Variants in LRIG1 observed in about 807,000 individuals in gnomAD.
The protein encoded by LRIG1 is leucine rich repeats and immunoglobulin like domains 1.
Under a neutral mutation model 99.2 loss-of-function variants are expected in LRIG1, and 48 were observed. That is an observed-to-expected ratio of 0.48 (90% confidence interval 0.38 to 0.62). LRIG1 has a LOEUF of 0.62. Among genes scored for constraint, LRIG1 ranks in the 20% least tolerant of loss-of-function variants. The pLI, the probability that LRIG1 is intolerant of heterozygous loss-of-function variation, is 0.00. For synonymous variants in LRIG1, 772 were observed against 596.1 expected (o/e 1.29, Z -4.30); for missense variants, 1,646 against 1,434.4 (o/e 1.15, Z -2.38).
At chr3:66,405,398 G>A (rs1321181123) in intron 8 of LRIG1, 120 bp from the exon 9 acceptor site, 5 of 775,884 alleles carry the variant, frequency 6.4e-6, no homozygotes, top group Non-Finnish European at 1.1e-5. Context: ...TGGAGGCACA[G>A]CCGGGACGTA....
chr3:66,499,532 T>A (rs1701305304), intron 1 of LRIG1, among the ~76,000 whole-genome samples: 1 of 152,060 alleles, frequency 6.6e-6, no homozygotes, highest in Non-Finnish European at 1.5e-5. Context: ...CTCCCAGCAC[T>A]CACAGGTCGC....
intron 1 of LRIG1, among the ~76,000 whole-genome samples, chr3:66,473,535 C>T (rs1700650157): frequency 1.3e-5 from 2 of 152,168 alleles, no homozygotes; most frequent in Non-Finnish European, 2.9e-5. Flanking sequence ...CCACAATGCT[C>T]GGCGTTACAA....
chr3:66,424,093 AG>A (rs1022821422), intron 3 of LRIG1, among the ~76,000 whole-genome samples: 1 of 152,214 alleles, frequency 6.6e-6, no homozygotes, highest in Non-Finnish European at 1.5e-5. Context: ...CAAGCATAAA[AG>A]AAGCCTGCTC....
chr3:66,499,893 C>A (rs9845060), intron 1 of LRIG1, among the ~76,000 whole-genome samples: 4,139 of 146,836 alleles, frequency 0.028, 196 homozygotes, highest in African/African-American at 0.098. Context: ...CCCCAGATGG[C>A]CCGCACGACG....
intron 6 of LRIG1, among the ~76,000 whole-genome samples, chr3:66,411,614 A>G (rs1006757345): frequency 2.0e-5 from 3 of 152,198 alleles, no homozygotes; most frequent in African/African-American, 4.8e-5. Context: ...AGGGCTGGTC[A>G]TGCAGAGACG....
chr3:66,491,716 CTTTGA>C (rs970182247), intron 1 of LRIG1, among the ~76,000 whole-genome samples: 11 of 151,930 alleles, frequency 7.2e-5, no homozygotes, highest in Non-Finnish European at 1.3e-4. Flanking sequence ...AATGATATGC[CTTTGA>C]TTTATTTCCA....
rs373126956 is a variant in LRIG1, at chr3:66,462,392, G to A, written c.290+46C>T. The A allele has an allele frequency of 2.5e-4, 352 of 1,429,356 alleles. 1 individual carries two copies. In the African/African-American group the frequency reaches 4.2e-3, roughly 17 times the overall value. 88.5% of individuals were successfully genotyped at this position (1,429,356 alleles called of 1,614,324 possible). ...TGCAATACAAGAGGATTTTCCCAAA[G>A]AGCTCTCCATCCTTCCATCCACCAG... On this transcript the variant is annotated intron_variant, in intron 2 of 18. Transcript: ENST00000273261.
intron 3 of LRIG1, among the ~76,000 whole-genome samples, chr3:66,429,015 TA>T (rs572373989): frequency 9.3e-4 from 141 of 152,280 alleles, no homozygotes; most frequent in African/African-American, 3.2e-3. Flanking sequence ...AGTGGCGGGA[TA>T]AACAGCCTCC....
intron 7 of LRIG1, 70 bp downstream of exon 7, chr3:66,410,059 C>A: frequency 6.7e-7 from 1 of 1,502,718 alleles, no homozygotes; most frequent in Non-Finnish European, 9.0e-7. Context: ...TGGAACGAAC[C>A]AGGCCTAGCA....
chr3:66,489,420 A>C (rs983389605), intron 1 of LRIG1, among the ~76,000 whole-genome samples: 1 of 152,014 alleles, frequency 6.6e-6, no homozygotes, highest in African/African-American at 2.4e-5. Flanking sequence ...TACTCAGTAG[A>C]CTGAGGTAGG....
At chr3:66,463,282 T>G (rs1166984581) in intron 1 of LRIG1, among the ~76,000 whole-genome samples, 2 of 152,212 alleles carry the variant, frequency 1.3e-5, no homozygotes, top group Admixed American at 6.5e-5. Context: ...AGGCTACTTA[T>G]GAACACAGTA....
intron 1 of LRIG1, among the ~76,000 whole-genome samples, chr3:66,496,509 A>G (rs915907511): frequency 2.0e-5 from 3 of 152,180 alleles, no homozygotes; most frequent in Non-Finnish European, 4.4e-5. Context: ...ACTTGTTGCA[A>G]AAGAAAAGGA....
At position 66,487,020 on chromosome 3, in the gene LRIG1, A is replaced by G. The variant is rs72906788; in HGVS notation, c.218+13170T>C. Among the ~76,000 whole-genome samples, 1,269 of 152,264 alleles carry G rather than the reference A, an allele frequency of 8.3e-3. 22 individuals are homozygous for G. Among genetic ancestry groups the G allele is most frequent in the African/African-American group, 0.028 (1,171 of 41,546 alleles). ...TGCTCAACAAAGTTTGCTTTCAATTATATTTCCAAATTCTTCTAACAATAA... is the reference window on the plus strand; with the variant it reads ...TGCTCAACAAAGTTTGCTTTCAATTGTATTTCCAAATTCTTCTAACAATAA... On this transcript the variant is annotated intron_variant, in intron 1 of 18. Coordinates refer to ENST00000273261, the MANE Select transcript of LRIG1 (RefSeq NM_015541.3).
intron 11 of LRIG1, among the ~76,000 whole-genome samples, chr3:66,396,288 G>A (rs1365784860): frequency 6.6e-6 from 1 of 152,226 alleles, no homozygotes; most frequent in African/African-American, 2.4e-5. Flanking sequence ...CCTAGGCTCT[G>A]CAGGCTCCTG....
At chr3:66,425,925 TAGAC>T (rs1486970569) in intron 3 of LRIG1, among the ~76,000 whole-genome samples, 2 of 152,228 alleles carry the variant, frequency 1.3e-5, no homozygotes, top group Non-Finnish European at 2.9e-5. Flanking sequence ...GATGTTAAAT[TAGAC>T]AGTGAAACAG....
At chr3:66,462,356 G>A in intron 2 of LRIG1, 82 bp downstream of exon 2, 1 of 964,618 alleles carries the variant, frequency 1.0e-6, no homozygotes, top group Non-Finnish European at 1.7e-6. Flanking sequence ...ATCTAGGGGA[G>A]TGAGCGATGC....
chr3:66,410,312 A>G (rs1005643934), intron 6 of LRIG1, 40 bp from the exon 7 acceptor site: 1 of 1,558,912 alleles, frequency 6.4e-7, no homozygotes, highest in Non-Finnish European at 8.7e-7. Flanking sequence ...AGGAGCTTTC[A>G]CTCCCTTCAC....
Position 66,380,855 on chromosome 3 carries a change from C to A in LRIG1, c.2777G>T (p.Gly926Val), listed in dbSNP as rs147184597. The A allele has an allele frequency of 3.7e-4, 592 of 1,613,740 alleles. 1 individual carries two copies. In the African/African-American group the frequency reaches 7.2e-3, roughly 20 times the overall value. Reference protein sequence around the residue: ...GTPGPHKMEHGGRVVCSDCNT... With the variant: ...GTPGPHKMEHVGRVVCSDCNT... ...GCAGTCACTGCATACGACCCGGCCA[C>A]CGTGTTCTGAAGGACAGCGCCAAAG... The change falls in exon 18 of 19, where the codon GGT becomes GTT. Residue 926 changes from glycine (G) to valine (V), a missense_variant. Physicochemically the swap from Gly to Val is moderately radical, Grantham distance 109. Coordinates refer to ENST00000273261, the MANE Select transcript of LRIG1 (RefSeq NM_015541.3).
intron 7 of LRIG1, 196 bp downstream of exon 7, chr3:66,409,933 G>A (rs370818524): frequency 1.5e-4 from 79 of 521,980 alleles, no homozygotes; most frequent in African/African-American, 1.3e-3. Context: ...AGGAAGTGAA[G>A]GGGAGATGAG....
Sources: allele counts gnomAD v4.1 joint callset (sites outside exome capture counted in the v4.1 genomes callset), GRCh38; gene constraint gnomAD v4.1.1; transcripts MANE v1.5; gene names NCBI Gene and HGNC (gene_info 2026-07-23, HGNC 2026-07-21).